CELF4: variants seen among roughly 807,000 people sequenced by gnomAD.
CELF4 encodes CUGBP Elav-like family member 4.
In CELF4, 18 loss-of-function variants were observed where a neutral mutation model predicts 59.9. The observed-to-expected ratio is 0.30, with a 90% confidence interval of 0.21 to 0.45. The LOEUF (loss-of-function observed/expected upper bound fraction) is 0.45. Ranked by LOEUF, CELF4 falls within the 20% of genes least tolerant of loss-of-function variation. CELF4 has a pLI of 1.00. For missense variants in CELF4, 456 were observed against 689.0 expected (o/e 0.66, Z 3.79); for synonymous variants, 261 against 267.1 (o/e 0.98, Z 0.22).
intron 2 of CELF4, among the ~76,000 whole-genome samples, chr18:37,410,537 G>T (rs139882231): frequency 7.2e-5 from 11 of 152,228 alleles, no homozygotes; most frequent in African/African-American, 2.7e-4. Context: ...TGTGCGTGTG[G>T]GCATCCCTGC....
intron 3 of CELF4, chr18:37,305,589 C>G (rs528978180): frequency 1.1e-3 from 166 of 152,412 alleles, no homozygotes; most frequent in Non-Finnish European, 1.5e-3. Flanking sequence ...CCCAGACCCA[C>G]AGTGGGGTGG....
intron 3 of CELF4, among the ~76,000 whole-genome samples, chr18:37,314,801 T>C (rs1250647546): frequency 6.6e-6 from 1 of 152,092 alleles, no homozygotes; most frequent in Non-Finnish European, 1.5e-5. Context: ...TTGCTTCTCC[T>C]GGGTTCAGTT....
chr18:37,551,050 G>C (rs2099983042), intron 1 of CELF4, among the ~76,000 whole-genome samples: 1 of 152,178 alleles, frequency 6.6e-6, no homozygotes, highest in Admixed American at 6.5e-5. Context: ...GGTGGCCTGG[G>C]GGTTGGGGTT....
At chr18:37,377,737 G>A (rs2098987336) in intron 2 of CELF4, among the ~76,000 whole-genome samples, 1 of 152,184 alleles carries the variant, frequency 6.6e-6, no homozygotes, top group South Asian at 2.1e-4. Flanking sequence ...TGGGGTCAGA[G>A]GCAGGACCCT....
chr18:37,256,075 G>A (rs906443097), intron 11 of CELF4, among the ~76,000 whole-genome samples: 1 of 152,180 alleles, frequency 6.6e-6, no homozygotes, highest in East Asian at 1.9e-4. Context: ...GCAGACTGGA[G>A]GCCCCTGTGG....
At chr18:37,445,412 C>T (rs1033908061) in intron 2 of CELF4, among the ~76,000 whole-genome samples, 1 of 151,906 alleles carries the variant, frequency 6.6e-6, no homozygotes, top group African/African-American at 2.4e-5. Flanking sequence ...TGCTGAGTCC[C>T]TGAGGGGTGT....
At chr18:37,367,714 A>G (rs1233605091) in intron 2 of CELF4, among the ~76,000 whole-genome samples, 3 of 151,694 alleles carry the variant, frequency 2.0e-5, no homozygotes, top group African/African-American at 4.8e-5. Flanking sequence ...TTTTCTTAAA[A>G]GAGAGAAAGA....
chr18:37,371,149 C>T (rs541457443), intron 2 of CELF4, among the ~76,000 whole-genome samples: 57 of 152,298 alleles, frequency 3.7e-4, no homozygotes, highest in Non-Finnish European at 6.9e-4. Context: ...CTACCCATCA[C>T]GTCCATCTGC....
At chr18:37,324,098 C>A (rs2097214601) in intron 2 of CELF4, among the ~76,000 whole-genome samples, 1 of 152,122 alleles carries the variant, frequency 6.6e-6, no homozygotes, top group Non-Finnish European at 1.5e-5. Flanking sequence ...CACCACACAT[C>A]CTGGCACCTT....
At chr18:37,312,901 C>T (rs771058479) in intron 3 of CELF4, among the ~76,000 whole-genome samples, 9 of 152,160 alleles carry the variant, frequency 5.9e-5, no homozygotes, top group African/African-American at 1.9e-4. Context: ...GAGCTGTGGA[C>T]GTCCAGGTCT....
In CELF4 at chr18:37,492,077, T is replaced by C. The variant is rs371708385; in HGVS notation, c.287-6470A>G. 5.9e-5 allele frequency among the ~76,000 whole-genome samples: 9 copies of C among 152,248 alleles called. No individual in the cohort carries two copies. The East Asian group carries it at 1.4e-3, about 23-fold the overall frequency. ...GGGTCTTGCCTTGCTACTAATTGAATTACAGAATTAGCCAGAGGAAGGTGG... is the reference window on the plus strand; with the variant it reads ...GGGTCTTGCCTTGCTACTAATTGAACTACAGAATTAGCCAGAGGAAGGTGG... On this transcript the variant is annotated intron_variant, in intron 1 of 12. Coordinates refer to ENST00000420428, the MANE Select transcript of CELF4 (RefSeq NM_020180.4).
Position 37,354,044 on chromosome 18 carries a change from T to C in CELF4, c.370-32163A>G, listed in dbSNP as rs892447144. Among the ~76,000 whole-genome samples, 10 of 152,216 alleles carry C rather than the reference T, an allele frequency of 6.6e-5. No individual in the cohort carries two copies. The East Asian group carries it at 1.5e-3, about 24-fold the overall frequency. On this transcript the variant is annotated intron_variant, in intron 2 of 12. Transcript: ENST00000420428. ...TGCTGGGATTACAGGTGTGAGCCACTGCGCCTGGCCTGTGGGGGGACCAGT... is the reference window on the plus strand; with the variant it reads ...TGCTGGGATTACAGGTGTGAGCCACCGCGCCTGGCCTGTGGGGGGACCAGT...
chr18:37,250,879 G>A (rs1357574626), intron 12 of CELF4, among the ~76,000 whole-genome samples: 2 of 152,176 alleles, frequency 1.3e-5, no homozygotes, highest in African/African-American at 4.8e-5. Flanking sequence ...CCTTACTGTA[G>A]GAGTTATGTG....
At chr18:37,542,975 C>T (rs1343777546) in intron 1 of CELF4, among the ~76,000 whole-genome samples, 1 of 151,986 alleles carries the variant, frequency 6.6e-6, no homozygotes, top group African/African-American at 2.4e-5. Flanking sequence ...GGTTAGAGCC[C>T]AATACTGATG....
At chr18:37,473,782 G>C (rs1464961634) in intron 2 of CELF4, 1 of 152,306 alleles carries the variant, frequency 6.6e-6, no homozygotes, top group Non-Finnish European at 1.5e-5. Context: ...TGTGAGGGTA[G>C]ACTCTTCCAG....
At chr18:37,457,131 C>T (rs1569569479) in intron 2 of CELF4, among the ~76,000 whole-genome samples, 1 of 152,144 alleles carries the variant, frequency 6.6e-6, no homozygotes, top group Non-Finnish European at 1.5e-5. Flanking sequence ...CGGGGTGCCT[C>T]CTAAAGAGCA....
chr18:37,282,176 C>T (rs903711123), intron 3 of CELF4, among the ~76,000 whole-genome samples: 32 of 152,270 alleles, frequency 2.1e-4, no homozygotes, highest in Middle Eastern at 3.4e-3. Context: ...ACTGCTCACC[C>T]ATGGGAACCC....
intron 2 of CELF4, among the ~76,000 whole-genome samples, chr18:37,391,235 G>T (rs2099158345): frequency 6.6e-6 from 1 of 152,188 alleles, no homozygotes. Flanking sequence ...TGTCTCCTGA[G>T]GGGGCAGAGG....
chr18:37,384,959 G>T (rs2099082790), intron 2 of CELF4, among the ~76,000 whole-genome samples: 1 of 152,290 alleles, frequency 6.6e-6, no homozygotes, highest in East Asian at 1.9e-4. Context: ...CTGATTTGCT[G>T]GGTCAGTCCT....
Sources: gnomAD v4.1 joint callset for allele counts (sites outside exome capture counted in the v4.1 genomes callset) on GRCh38, gnomAD v4.1.1 for gene constraint, MANE v1.5 for transcripts, NCBI Gene and HGNC (gene_info 2026-07-23, HGNC 2026-07-21) for gene names.